The following RFC5 variants were observed in gnomAD, a reference collection of about 807,000 sequenced individuals.
The protein encoded by RFC5 is A1 36 kDa subunit.
In RFC5, 26 loss-of-function variants were observed where a neutral mutation model predicts 44.3. The observed-to-expected ratio is 0.59, with a 90% CI of 0.43 to 0.81. The LOEUF is 0.81. RFC5 is among the 40% of genes least tolerant of loss of function. The pLI, the probability that RFC5 is intolerant of heterozygous loss-of-function variation, is 0.00. For missense variants in RFC5, 328 were observed against 418.6 expected (o/e 0.78, Z 1.89); for synonymous variants, 155 against 155.2 (o/e 1.00, Z 0.01).
chr12:118,036,721 CAAG>C (rs929268696), downstream of RFC5, among the ~76,000 whole-genome samples: 5 of 152,136 alleles, frequency 3.3e-5, no homozygotes, highest in Admixed American at 2.0e-4. Context: ...TGGGCATGCT[CAAG>C]GAGCTCACTA....
Position 118,016,827 on chromosome 12 carries a change from C to A in RFC5, c.-1C>A. 1 of 1,612,598 alleles carries A rather than the reference C, an allele frequency of 6.2e-7. No homozygotes were observed. The highest frequency in any genetic ancestry group is 8.5e-7 in the Non-Finnish European group (1 of 1,179,378). The stretch of plus-strand genomic sequence containing the variant: ...GATCTGGTCACCTTCGTCTCCCCGC[C>A]ATGGAGACCTCAGCACTCAAGCAGC... On this transcript the variant is annotated 5_prime_UTR_variant, in exon 1 of 11. Transcript: ENST00000454402.
At chr12:118,023,481 AG>A (rs2030690730) in intron 5 of RFC5, among the ~76,000 whole-genome samples, 1 of 20,722 alleles carries the variant, frequency 4.8e-5, no homozygotes, top group Non-Finnish European at 9.1e-5. Context: ...GGAGGAGGGT[AG>A]GGGGAGGTGG....
At chr12:118,036,236 T>A, downstream of RFC5, 1 of 1,364,360 alleles carries the variant, frequency 7.3e-7, no homozygotes, top group Non-Finnish European at 1.0e-6. Context: ...ATCCAGCTTG[T>A]CCCCTCCCAT....
chr12:118,016,936 C>A (rs949526335), intron 1 of RFC5, 44 bp downstream of exon 1: 20 of 1,532,242 alleles, frequency 1.3e-5, no homozygotes, highest in Admixed American at 1.7e-5. Flanking sequence ...GGGGGCCAGG[C>A]GGCCGCGCGG....
intron 9 of RFC5, among the ~76,000 whole-genome samples, chr12:118,029,053 C>T (rs1385513172): frequency 1.3e-5 from 2 of 152,226 alleles, no homozygotes; most frequent in Non-Finnish European, 2.9e-5. Context: ...TGGCTCAGGC[C>T]CAGCTCTGCA....
intron 9 of RFC5, among the ~76,000 whole-genome samples, chr12:118,028,549 G>T (rs1170730632): frequency 6.6e-6 from 1 of 150,872 alleles, no homozygotes; most frequent in Non-Finnish European, 1.5e-5. Flanking sequence ...ATCTAGAACT[G>T]CTGGGGAAAG....
downstream of RFC5, chr12:118,035,003 A>G: frequency 6.2e-7 from 1 of 1,614,162 alleles, no homozygotes. Context: ...CAATGACTCC[A>G]CCATGTGGAA....
the RFC5 span, among the ~76,000 whole-genome samples, chr12:118,038,692 T>C: frequency 3.3e-5 from 5 of 152,220 alleles, no homozygotes; most frequent in Non-Finnish European, 7.3e-5. Context: ...TGTTTGTTTC[T>C]GAGATGGAGT....
Position 118,029,816 on chromosome 12 carries a change from C to A in RFC5, c.917C>A (p.Ala306Glu). 1 of 1,605,088 alleles carries A rather than the reference C, an allele frequency of 6.2e-7. No homozygotes were observed. Among genetic ancestry groups the A allele is most frequent in the Non-Finnish European group, 8.5e-7 (1 of 1,171,726 alleles). The change falls in exon 10 of 11, where the codon GCA becomes GAA. Residue 306 changes from alanine (A) to glutamate (E), a missense_variant. Physicochemically the swap from Ala to Glu is moderately radical, Grantham distance 107. Coordinates refer to ENST00000454402, the MANE Select transcript of RFC5 (RefSeq NM_007370.7). ...SVRIHLLTKMADIEYRLSVGT... is the reference protein window; with the variant it reads ...SVRIHLLTKMEDIEYRLSVGT... ...CGAATACATTTATTGACCAAAATGG[C>A]AGACATTGAGTGAGTACTTCTTGCC...
intron 5 of RFC5, among the ~76,000 whole-genome samples, chr12:118,024,118 A>G (rs5745853): frequency 0.026 from 3,983 of 152,040 alleles, 109 homozygotes; most frequent in Non-Finnish European, 0.031. Flanking sequence ...AAGGCGGGCG[A>G]ATCATGAGGT....
At chr12:118,040,332 C>T in the RFC5 span, among the ~76,000 whole-genome samples, 9 of 152,276 alleles carry the variant, frequency 5.9e-5, no homozygotes, top group South Asian at 1.7e-3. Flanking sequence ...AATTGGCCTA[C>T]TCCATCCCGC....
Position 118,031,340 on chromosome 12 carries a change from T to C in RFC5, c.*62T>C. On this transcript the variant is annotated 3_prime_UTR_variant, in exon 11 of 11. Transcript: ENST00000454402. ...CAGTGATGGGAGAACAGAGGACAGT[T>C]CCAGGATAAACTGCTGCCTGGGGCT... The C allele has an allele frequency of 8.7e-7, 1 of 1,153,198 alleles. No individual in the cohort carries two copies. The highest frequency in any genetic ancestry group is 2.4e-5 in the East Asian group (1 of 41,316). The allele number at this position is 1,153,198 out of a possible 1,614,324, so 71.4% of individuals were successfully genotyped here.
rs1358417843 is a variant in RFC5 at position 118,020,847 on chromosome 12, G to C, written c.268-59G>C. 4.6e-6 allele frequency: 5 copies of C among 1,086,270 alleles called. No individual in the cohort carries two copies. In the East Asian group the frequency reaches 1.2e-4, roughly 26 times the overall value. The allele number at this position is 1,086,270 out of a possible 1,614,324, so 67.3% of individuals were successfully genotyped here. On this transcript the variant is annotated intron_variant, in intron 3 of 10. Transcript: ENST00000454402. ...TGATGAGGAAATACACTAACACCAAGAACTCACAGATAGCACAGCAACATG... is the reference window on the plus strand; with the variant it reads ...TGATGAGGAAATACACTAACACCAACAACTCACAGATAGCACAGCAACATG...
chr12:118,032,980 A>G (rs558048610), downstream of RFC5: 1 of 152,304 alleles, frequency 6.6e-6, no homozygotes, highest in Non-Finnish European at 1.5e-5. Flanking sequence ...TTCTTCAAGC[A>G]ACAAAGGTGG....
chr12:118,019,635 AG>A lies in RFC5; in HGVS notation c.135del (p.Lys46SerfsTer26). On this transcript the variant is annotated frameshift_variant, in exon 3 of 11. Transcript: ENST00000454402. LOFTEE classifies it high-confidence loss of function. This position sits in a 1 kb window ranked among gnomAD's most constrained non-coding sequence, Gnocchi z 4.2. ...CTTCTTCCTTCCTGATCCTCAGTTC[AG>A]AAGTTTATCAATGAAGACCGACTGC... is the stretch of plus-strand genomic sequence containing the variant. ...ISHQDILSTIQKFINEDRLPH... is the reference protein window; with the variant it reads ...ISHQDILSTIXKFINEDRLPH... 1.2e-6 allele frequency: 2 copies of A among 1,614,046 alleles called. No homozygotes were observed. Among genetic ancestry groups the A allele is most frequent in the South Asian group, 2.2e-5 (2 of 91,076 alleles).
chr12:118,027,171 G>T (rs2031005962), intron 8 of RFC5, 153 bp downstream of exon 8: 1 of 714,278 alleles, frequency 1.4e-6, no homozygotes, highest in African/African-American at 1.8e-5. Flanking sequence ...TGTAGGTGGA[G>T]TGGGTACTTG....
In RFC5 at chr12:118,016,791, C is replaced by G. The variant is rs182416845; in HGVS notation, c.-37C>G. 4.1e-5 allele frequency: 65 copies of G among 1,577,998 alleles called. No individual in the cohort carries two copies. In the African/African-American group the frequency reaches 8.2e-4, roughly 20 times the overall value. ...CTGTGCAGGCGCTTGGGTGACGCGA[C>G]GATCTCAGCGGATCTGGTCACCTTC... On this transcript the variant is annotated 5_prime_UTR_variant, in exon 1 of 11. Coordinates refer to ENST00000454402, the MANE Select transcript of RFC5 (RefSeq NM_007370.7).
downstream of RFC5, chr12:118,035,973 C>CG: frequency 5.9e-6 from 1 of 168,226 alleles, no homozygotes; most frequent in Non-Finnish European, 1.3e-5. Flanking sequence ...GAGACTGAGG[C>CG]GGTGGATCAC....
chr12:118,026,287 G>T (rs1056876221), intron 7 of RFC5, among the ~76,000 whole-genome samples: 2 of 150,936 alleles, frequency 1.3e-5, no homozygotes, highest in Non-Finnish European at 2.9e-5. Context: ...TCCTCACTTT[G>T]TATTTTGATT....
Sources: allele counts gnomAD v4.1 joint callset (sites outside exome capture counted in the v4.1 genomes callset), GRCh38; gene constraint gnomAD v4.1.1; non-coding constraint Gnocchi (gnomAD v3.1); transcripts MANE v1.5; gene names NCBI Gene and HGNC (gene_info 2026-07-23, HGNC 2026-07-21).